TRIM24: variants seen among roughly 807,000 people sequenced by gnomAD.
TRIM24 encodes transcription intermediary factor 1-alpha.
In TRIM24, 29 loss-of-function variants were observed where a neutral mutation model predicts 123.9. The ratio of observed to expected loss-of-function variants is 0.23; its 90% CI spans 0.17 to 0.32. TRIM24 has a LOEUF of 0.32. TRIM24 is among the 10% of genes least tolerant of loss of function. The pLI is 1.00. For synonymous variants in TRIM24, 456 were observed against 461.1 expected, an observed-to-expected ratio of 0.99 and a Z score of 0.14; for missense variants, 932 against 1,295.3, an observed-to-expected ratio of 0.72 and a Z score of 4.31.
At chr7:138,509,792 T>TA (rs1223102111) in intron 2 of TRIM24, among the ~76,000 whole-genome samples, 1 of 152,056 alleles carries the variant, frequency 6.6e-6, no homozygotes, top group Non-Finnish European at 1.5e-5. Context: ...ATACAATTCT[T>TA]AAAGTATCAC....
At chr7:138,578,119 A>G (rs577981447) in intron 14 of TRIM24, among the ~76,000 whole-genome samples, 3 of 152,270 alleles carry the variant, frequency 2.0e-5, no homozygotes, top group African/African-American at 7.2e-5. Flanking sequence ...CAGTATTGAG[A>G]ATCTCCTGTT....
intron 4 of TRIM24, among the ~76,000 whole-genome samples, chr7:138,520,908 G>A (rs1270410675): frequency 1.3e-5 from 2 of 152,200 alleles, no homozygotes; most frequent in Admixed American, 6.5e-5. Flanking sequence ...GGAAAGTACA[G>A]AGAATGGGAA....
chr7:138,482,790 A>G (rs1795558103), intron 1 of TRIM24, among the ~76,000 whole-genome samples: 1 of 152,038 alleles, frequency 6.6e-6, no homozygotes, highest in Admixed American at 6.6e-5. Flanking sequence ...TTTTGTAGTG[A>G]TGGTGTCTCA....
Position 138,585,098 on chromosome 7 carries a change from A to G in TRIM24, c.*147A>G, listed in dbSNP as rs1342105043. 3.4e-6 allele frequency: 2 copies of G among 583,516 alleles called. No individual in the cohort carries two copies. Among genetic ancestry groups the G allele is most frequent in the Non-Finnish European group, 2.8e-6 (1 of 353,802 alleles). The allele number at this position is 583,516 out of a possible 1,614,324, so 36.1% of individuals were successfully genotyped here. ...CGTTTACTAGACTTTGATTTCCTTA[A>G]TAGCCCATTTCTGTTAACCTCTTAT... On this transcript the variant is annotated 3_prime_UTR_variant, in exon 19 of 19. Coordinates refer to ENST00000343526, the MANE Select transcript of TRIM24 (RefSeq NM_015905.3).
intron 1 of TRIM24, chr7:138,491,398 T>C: frequency 6.3e-6 from 1 of 158,232 alleles, no homozygotes; most frequent in Non-Finnish European, 1.4e-5. Context: ...CCTTGGGAGT[T>C]TGCCTATTCT....
intron 1 of TRIM24, among the ~76,000 whole-genome samples, chr7:138,500,731 C>T (rs1196766171): frequency 6.6e-6 from 1 of 151,530 alleles, no homozygotes; most frequent in Non-Finnish European, 1.5e-5. Context: ...AAAAATTATC[C>T]AGGCATGGTG....
chr7:138,577,387 T>A, intron 13 of TRIM24, 33 bp from the exon 14 acceptor site: 1 of 1,469,764 alleles, frequency 6.8e-7, no homozygotes, highest in Non-Finnish European at 9.0e-7. Context: ...TTAACATTCT[T>A]AGATTGCTTT....
intron 1 of TRIM24, among the ~76,000 whole-genome samples, chr7:138,495,541 A>G (rs1795886260): frequency 6.6e-6 from 1 of 151,930 alleles, no homozygotes; most frequent in African/African-American, 2.4e-5. Context: ...ATGATAATTC[A>G]TCCTTTTTTC....
At chr7:138,506,769 T>C (rs1241406480) in intron 2 of TRIM24, among the ~76,000 whole-genome samples, 1 of 152,144 alleles carries the variant, frequency 6.6e-6, no homozygotes, top group East Asian at 1.9e-4. Context: ...ATACTGGGCA[T>C]GCATGGGTTA....
At chr7:138,576,825 A>G (rs3816192) in intron 13 of TRIM24, among the ~76,000 whole-genome samples, 130,068 of 152,192 alleles carry the variant, frequency 0.85, 56,098 homozygotes, top group African/African-American at 0.96. Flanking sequence ...TAAAATAAAT[A>G]TACAGTTATT....
chr7:138,500,881 A>T (rs920653518), intron 1 of TRIM24, among the ~76,000 whole-genome samples: 2 of 152,156 alleles, frequency 1.3e-5, no homozygotes, highest in Admixed American at 1.3e-4. Context: ...ATGTTACTGT[A>T]CTAAATACTG....
intron 10 of TRIM24, among the ~76,000 whole-genome samples, 167 bp downstream of exon 10, chr7:138,567,821 G>C (rs1432046605): frequency 6.6e-6 from 1 of 152,172 alleles, no homozygotes; most frequent in African/African-American, 2.4e-5. Context: ...TTATCAGTAA[G>C]AGAAATTAAA....
At chr7:138,561,258 T>G (rs1371301803) in intron 9 of TRIM24, among the ~76,000 whole-genome samples, 1 of 152,166 alleles carries the variant, frequency 6.6e-6, no homozygotes, top group Non-Finnish European at 1.5e-5. Context: ...GCCGGACCCC[T>G]TCCAATACAA....
chr7:138,476,199 G>A (rs955476080), intron 1 of TRIM24, among the ~76,000 whole-genome samples: 2 of 152,188 alleles, frequency 1.3e-5, no homozygotes, highest in Non-Finnish European at 2.9e-5. Flanking sequence ...CTGAAAGGTA[G>A]ATCTTAGGGT....
rs796782027 is a variant in TRIM24 at position 138,589,636 on chromosome 7, G to C, written c.*4685G>C. 1 of 152,130 alleles carries C rather than the reference G, an allele frequency of 6.6e-6. No homozygotes were observed. The highest frequency in any genetic ancestry group is 1.5e-5 in the Non-Finnish European group (1 of 68,034). 9.4% of individuals were successfully genotyped at this position (152,130 alleles called of 1,614,324 possible). A position where few individuals can be genotyped will look rare whatever the true frequency, so the allele number is the denominator to read the frequency against. The stretch of plus-strand genomic sequence containing the variant: ...AGGAAAGCGGGTGGTAAGTATCTTG[G>C]ATTATTCTGCCTCATACCAGCCACT... On this transcript the variant is annotated 3_prime_UTR_variant, in exon 19 of 19. Coordinates refer to ENST00000343526, the MANE Select transcript of TRIM24 (RefSeq NM_015905.3).
At chr7:138,505,527 TGTTGTTG>T (rs1796134935) in intron 2 of TRIM24, among the ~76,000 whole-genome samples, 1 of 150,404 alleles carries the variant, frequency 6.6e-6, no homozygotes, top group African/African-American at 2.5e-5. Context: ...TTGTTGTTGT[TGTTGTTG>T]TTGTTGTTGT....
chr7:138,511,304 CTT>C (rs760269729), intron 2 of TRIM24, among the ~76,000 whole-genome samples: 17 of 140,912 alleles, frequency 1.2e-4, no homozygotes, highest in South Asian at 2.3e-4. Flanking sequence ...TTCTTTCTTT[CTT>C]TTTTTTTTTT....
intron 1 of TRIM24, among the ~76,000 whole-genome samples, chr7:138,503,022 TC>T (rs1273731540): frequency 6.6e-6 from 1 of 152,150 alleles, no homozygotes; most frequent in African/African-American, 2.4e-5. Context: ...TTTTTTTAGA[TC>T]AGATGAAGTA....
intron 4 of TRIM24, 70 bp downstream of exon 4, chr7:138,519,391 C>T (rs192009339): frequency 6.6e-7 from 1 of 1,504,030 alleles, no homozygotes; most frequent in East Asian, 2.3e-5. Context: ...TGCTGCCAAC[C>T]CTCATCAAAT....
Sources: allele counts gnomAD v4.1 joint callset (sites outside exome capture counted in the v4.1 genomes callset), GRCh38; gene constraint gnomAD v4.1.1; transcripts MANE v1.5; gene names NCBI Gene and HGNC (gene_info 2026-07-23, HGNC 2026-07-21).